The following SLC19A3 variants were observed in gnomAD, a reference collection of about 807,000 sequenced individuals.
SLC19A3 encodes the protein thiamine transporter 2.
Under a neutral mutation model 40.2 loss-of-function variants are expected in SLC19A3, and 31 were observed. The observed-to-expected ratio is 0.77, with a 90% CI of 0.58 to 1.04. The LOEUF (loss-of-function observed/expected upper bound fraction) is 1.04, where lower values mean the gene tolerates loss of function less well. Among genes scored for constraint, SLC19A3 ranks in the 50% least tolerant of loss-of-function variants. SLC19A3 has a pLI of 0.00. For missense variants in SLC19A3, 592 were observed against 596.7 expected, an observed-to-expected ratio of 0.99 and a Z score of 0.08; for synonymous variants, 212 against 227.5, an observed-to-expected ratio of 0.93 and a Z score of 0.61.
intron 1 of SLC19A3, among the ~76,000 whole-genome samples, chr2:227,712,336 T>A (rs1323574605): frequency 1.3e-5 from 2 of 151,710 alleles, no homozygotes; most frequent in Non-Finnish European, 2.9e-5. Context: ...CAATATCTGA[T>A]AAAAGAATTG....
At chr2:227,705,731 G>T (rs978982941) in intron 1 of SLC19A3, among the ~76,000 whole-genome samples, 1 of 152,016 alleles carries the variant, frequency 6.6e-6, no homozygotes, top group African/African-American at 2.4e-5. Context: ...ATGGGGAGGC[G>T]GGGGAGGAAG....
intron 2 of SLC19A3, among the ~76,000 whole-genome samples, chr2:227,700,562 A>T (rs751935579): frequency 3.3e-5 from 5 of 152,136 alleles, no homozygotes; most frequent in Non-Finnish European, 7.3e-5. Context: ...AAAGAATCCA[A>T]CAGCCTTTAT....
Position 227,687,334 on chromosome 2 carries a change from C to T in SLC19A3, c.*63G>A. 4 of 1,511,156 alleles carry T rather than the reference C, an allele frequency of 2.6e-6. No individual in the cohort carries two copies. The highest frequency in any genetic ancestry group is 4.5e-5 in the East Asian group (2 of 44,016). The allele number at this position is 1,511,156 out of a possible 1,614,324, so 93.6% of individuals were successfully genotyped here. On this transcript the variant is annotated 3_prime_UTR_variant, in exon 6 of 6. Coordinates refer to ENST00000644224, the MANE Select transcript of SLC19A3 (RefSeq NM_025243.4). ...TTATGGCAAAACATATGCCACCCAT[C>T]TCAAAATCTTTCCTTATTATTGCAT...
chr2:227,717,088 C>T (rs1292487716), intron 1 of SLC19A3, among the ~76,000 whole-genome samples: 1 of 145,476 alleles, frequency 6.9e-6, no homozygotes, highest in East Asian at 2.0e-4. Flanking sequence ...CTGCAACCTT[C>T]GCCTCCCAAG....
At position 227,702,089 on chromosome 2, in the gene SLC19A3, T is replaced by A. The variant is rs1448039442; in HGVS notation, c.150+80A>T. On this transcript the variant is annotated intron_variant, in intron 2 of 5. Coordinates refer to ENST00000644224, the MANE Select transcript of SLC19A3 (RefSeq NM_025243.4). ...TTTAATGTGTTCATCTTATATCAAGTTGAGGGAAGCCCTGTATCCTTGTTC... is the reference window on the plus strand; with the variant it reads ...TTTAATGTGTTCATCTTATATCAAGATGAGGGAAGCCCTGTATCCTTGTTC... The A allele has an allele frequency of 2.3e-5, 26 of 1,129,098 alleles. 1 individual carries two copies. The South Asian group carries it at 2.5e-4, about 11-fold the overall frequency. 69.9% of individuals were successfully genotyped at this position (1,129,098 alleles called of 1,614,324 possible).
At position 227,702,235 on chromosome 2, in the gene SLC19A3, C is replaced by T. The variant is rs1296450224; in HGVS notation, c.84G>A (p.Met28Ile). The change falls in exon 2 of 6, where the codon ATG becomes ATA. Residue 28 changes from methionine (M) to isoleucine (I), a missense_variant. Met to Ile is a conservative substitution (Grantham distance 10, BLOSUM62 1). Coordinates refer to ENST00000644224, the MANE Select transcript of SLC19A3 (RefSeq NM_025243.4). ...GGATAAGGAATGGTTCTGAGGGTCT[C>T]ATCATGGAGAAAAAACCAAATAAGC... ...ILCLFGFFSM[M>I]RPSEPFLIPY... 9 of 1,613,728 alleles carry T rather than the reference C, an allele frequency of 5.6e-6. No individual in the cohort carries two copies. Among genetic ancestry groups the T allele is most frequent in the East Asian group, 2.2e-5 (1 of 44,872 alleles).
Position 227,698,973 on chromosome 2 carries a change from G to C in SLC19A3, c.742C>G (p.Gln248Glu). Residue 248 changes from glutamine to glutamate, a missense_variant, in exon 3 of 6, where the codon CAG becomes GAG. By Grantham distance (29) the Gln-to-Glu change is conservative. Transcript: ENST00000644224. Reference protein sequence around the residue: ...LSTSGKLNKGQLNSLKPSNVT... With the variant: ...LSTSGKLNKGELNSLKPSNVT... ...TTGCTTGGTTTCAGGCTGTTCAGCT[G>C]GCCCTTATTCAGCTTCCCTGAAGTG... The C allele has an allele frequency of 6.2e-7, 1 of 1,614,186 alleles. No individual in the cohort carries two copies. Among genetic ancestry groups the C allele is most frequent in the South Asian group, 1.1e-5 (1 of 91,082 alleles).
At chr2:227,711,329 A>C (rs1327093762) in intron 1 of SLC19A3, among the ~76,000 whole-genome samples, 1 of 152,036 alleles carries the variant, frequency 6.6e-6, no homozygotes, top group East Asian at 1.9e-4. Context: ...CTGAGGCACA[A>C]GAATCTCTTG....
intron 1 of SLC19A3, among the ~76,000 whole-genome samples, chr2:227,706,994 G>A (rs1207565017): frequency 6.6e-6 from 1 of 152,204 alleles, no homozygotes; most frequent in Non-Finnish European, 1.5e-5. Context: ...TACAACAGCA[G>A]ATTGAGGAGG....
chr2:227,688,438 A>G (rs1216394241), intron 4 of SLC19A3, 131 bp from the exon 5 acceptor site: 1 of 749,588 alleles, frequency 1.3e-6, no homozygotes, highest in African/African-American at 1.7e-5. Context: ...GCAAAGAGAG[A>G]GAGAGACTGT....
chr2:227,688,354 G>A lies in SLC19A3; in HGVS notation c.1173-47C>T, dbSNP rs73997321. 0.047 allele frequency: 73,690 copies of A among 1,579,994 alleles called. 1,854 individuals are homozygous for A. Among genetic ancestry groups the A allele is most frequent in the Middle Eastern group, 0.061 (364 of 6,002 alleles). On this transcript the variant is annotated intron_variant, in intron 4 of 5. Coordinates refer to ENST00000644224, the MANE Select transcript of SLC19A3 (RefSeq NM_025243.4). ...CATTTTAACTATAATATACATGGAT[G>A]GAAGTCTTAAAAAGATAGAACATAT... is the stretch of plus-strand genomic sequence containing the variant.
chr2:227,701,151 C>T (rs1482852948), intron 2 of SLC19A3: 1 of 1,223,006 alleles, frequency 8.2e-7, no homozygotes, highest in South Asian at 1.5e-5. Flanking sequence ...TGATCTGATG[C>T]TACAGAAGAA....
At chr2:227,704,956 C>A (rs1027103206) in intron 1 of SLC19A3, among the ~76,000 whole-genome samples, 1 of 152,052 alleles carries the variant, frequency 6.6e-6, no homozygotes, top group Non-Finnish European at 1.5e-5. Flanking sequence ...TTTCAGCTCA[C>A]TGCAACCTCC....
Position 227,699,509 on chromosome 2 carries a change from G to GGCA in SLC19A3, c.203_205dup (p.Leu68dup), listed in dbSNP as rs755201449. ...GACATAATCGGTGAGGACAAACACAGGCAGCAGCAGCACCAGGTAGGAGTA... is the reference window on the plus strand; with the variant it reads ...GACATAATCGGTGAGGACAAACACAGGCAGCAGCAGCAGCACCAGGTAGGAGTA... On this transcript the variant is annotated inframe_insertion, in exon 3 of 6. Coordinates refer to ENST00000644224, the MANE Select transcript of SLC19A3 (RefSeq NM_025243.4). The GGCA allele has an allele frequency of 1.2e-6, 2 of 1,614,140 alleles. No homozygotes were observed. Among genetic ancestry groups the GGCA allele is most frequent in the East Asian group, 2.2e-5 (1 of 44,886 alleles).
At chr2:227,698,601 G>A in intron 3 of SLC19A3, 135 bp downstream of exon 3, 1 of 851,402 alleles carries the variant, frequency 1.2e-6, no homozygotes, top group Admixed American at 1.9e-5. Context: ...GCCCGGCCGT[G>A]ACTTTCATTC....
In SLC19A3 at chr2:227,699,455, C is replaced by T. The variant is rs370463398; in HGVS notation, c.260G>A (p.Gly87Asp). Residue 87 changes from glycine to aspartate, a missense_variant, in exon 3 of 6, where the codon GGT becomes GAT. By Grantham distance (94) the Gly-to-Asp change is moderately conservative. Coordinates refer to ENST00000644224, the MANE Select transcript of SLC19A3 (RefSeq NM_025243.4). ...CAGCCAGGTAATGATGAAACTGATA[C>T]CTTGCAAGATGATGACTGGCTTGTA... Reference protein sequence around the residue: ...VRYKPVIILQGISFIITWLLL... With the variant: ...VRYKPVIILQDISFIITWLLL... 6.2e-7 allele frequency: 1 copy of T among 1,614,170 alleles called. No homozygotes were observed. The highest frequency in any genetic ancestry group is 8.5e-7 in the Non-Finnish European group (1 of 1,180,044).
Position 227,686,320 on chromosome 2 carries a change from C to G in SLC19A3, c.*1077G>C, listed in dbSNP as rs1695013740. 3.5e-6 allele frequency: 1 copy of G among 288,312 alleles called. No individual in the cohort carries two copies. The highest frequency in any genetic ancestry group is 2.9e-5 in the South Asian group (1 of 34,880). 17.9% of individuals were successfully genotyped at this position (288,312 alleles called of 1,614,324 possible). On this transcript the variant is annotated 3_prime_UTR_variant, in exon 6 of 6. Transcript: ENST00000644224. Reference sequence around the variant, plus strand: ...TTTAGACAGACACCACACAGGTGCTCTTTTTTGGGAGGAGGGGGATGAGAG... The same window carrying G: ...TTTAGACAGACACCACACAGGTGCTGTTTTTTGGGAGGAGGGGGATGAGAG...
intron 3 of SLC19A3, among the ~76,000 whole-genome samples, chr2:227,698,490 G>A (rs761944555): frequency 6.6e-6 from 1 of 151,982 alleles, no homozygotes; most frequent in Non-Finnish European, 1.5e-5. Context: ...TAGTAGAGAC[G>A]GGGTTTCACT....
At chr2:227,690,470 G>C (rs1451317834) in intron 4 of SLC19A3, among the ~76,000 whole-genome samples, 1 of 152,024 alleles carries the variant, frequency 6.6e-6, no homozygotes, top group Non-Finnish European at 1.5e-5. Flanking sequence ...CACTTTGGGA[G>C]GCCGAGGTGG....
Sources: gnomAD v4.1 joint callset for allele counts (sites outside exome capture counted in the v4.1 genomes callset) on GRCh38, gnomAD v4.1.1 for gene constraint, MANE v1.5 for transcripts, NCBI Gene and HGNC (gene_info 2026-07-23, HGNC 2026-07-21) for gene names.